TMEM212: variants seen among roughly 807,000 people sequenced by gnomAD.
TMEM212 encodes the protein transmembrane protein 212.
Under a neutral mutation model 20.5 loss-of-function variants are expected in TMEM212, and 23 were observed. That is an observed-to-expected ratio of 1.12 (90% CI 0.81 to 1.59). The LOEUF is 1.59. Among genes scored for constraint, TMEM212 ranks in the 40% most tolerant of loss-of-function variants. The pLI is 0.00. For missense variants in TMEM212, 211 were observed against 215.0 expected (o/e 0.98, Z 0.12); for synonymous variants, 76 against 81.6 (o/e 0.93, Z 0.37).
At chr3:171,844,532 C>G (rs958882026) in intron 1 of TMEM212, among the ~76,000 whole-genome samples, 1 of 152,076 alleles carries the variant, frequency 6.6e-6, no homozygotes, top group Non-Finnish European at 1.5e-5. Flanking sequence ...ATGGCGAAAC[C>G]CCGTCACTAC....
chr3:171,857,858 C>T (rs1725154987), intron 4 of TMEM212, among the ~76,000 whole-genome samples: 1 of 151,396 alleles, frequency 6.6e-6, no homozygotes, highest in African/African-American at 2.5e-5. Context: ...CACTTCACAC[C>T]TGTTAAAATG....
intron 1 of TMEM212, among the ~76,000 whole-genome samples, chr3:171,850,752 G>A (rs1200954052): frequency 2.0e-5 from 3 of 152,146 alleles, no homozygotes; most frequent in Admixed American, 6.5e-5. Context: ...ACTACAGATG[G>A]TTCTGTTTTT....
At chr3:171,857,707 T>A (rs565634069) in intron 4 of TMEM212, among the ~76,000 whole-genome samples, 66 of 152,276 alleles carry the variant, frequency 4.3e-4, no homozygotes, top group African/African-American at 1.6e-3. Flanking sequence ...ATAATCTGAT[T>A]TTAAAATGGG....
At chr3:171,848,560 C>CATAGA (rs1288301924) in intron 1 of TMEM212, among the ~76,000 whole-genome samples, 18 of 44,344 alleles carry the variant, frequency 4.1e-4, no homozygotes, top group Non-Finnish European at 6.8e-4. Flanking sequence ...ACAATAAATG[C>CATAGA]ATAGAATAGA....
At chr3:171,856,493 G>A (rs1360629062) in intron 3 of TMEM212, among the ~76,000 whole-genome samples, 170 bp from the exon 4 acceptor site, 1 of 152,130 alleles carries the variant, frequency 6.6e-6, no homozygotes, top group Admixed American at 6.6e-5. Flanking sequence ...AAGCCATATT[G>A]GACTGGCTTT....
chr3:171,857,761 G>A (rs1173789724), intron 4 of TMEM212, among the ~76,000 whole-genome samples: 1 of 152,110 alleles, frequency 6.6e-6, no homozygotes, highest in African/African-American at 2.4e-5. Flanking sequence ...ACATACAGGT[G>A]GCCAACAGGT....
intron 3 of TMEM212, among the ~76,000 whole-genome samples, chr3:171,855,283 G>C (rs1042348560): frequency 2.0e-5 from 3 of 152,134 alleles, no homozygotes; most frequent in African/African-American, 2.4e-5. Flanking sequence ...ATTATCTAAA[G>C]TAGGAAAGGG....
rs1725195474 is a variant in TMEM212, at chr3:171,859,166, G to A, written c.*1109G>A. ...GGCCTTTCAGTGGGTGGGAGGCTGG[G>A]GGAGGGATAGCATTAGGAGAAATTC... On this transcript the variant is annotated 3_prime_UTR_variant, in exon 5 of 5. Coordinates refer to ENST00000334567, the MANE Select transcript of TMEM212 (RefSeq NM_001164436.2). 1 of 152,108 alleles carries A rather than the reference G, an allele frequency of 6.6e-6. No homozygotes were observed. The highest frequency in any genetic ancestry group is 2.1e-4 in the South Asian group (1 of 4,814). The allele number at this position is 152,108 out of a possible 1,614,324, so 9.4% of individuals were successfully genotyped here. A position where few individuals can be genotyped will look rare whatever the true frequency, so the allele number is the denominator to read the frequency against.
chr3:171,845,360 A>G (rs1246308423), intron 1 of TMEM212, among the ~76,000 whole-genome samples: 1 of 152,200 alleles, frequency 6.6e-6, no homozygotes, highest in Non-Finnish European at 1.5e-5. Context: ...AATAGTACTT[A>G]CCCTCTATGT....
chr3:171,847,983 T>G (rs1323215719), intron 1 of TMEM212, among the ~76,000 whole-genome samples: 3 of 152,228 alleles, frequency 2.0e-5, no homozygotes, highest in African/African-American at 7.2e-5. Context: ...TCTATGTCAA[T>G]GGTCCATTTT....
chr3:171,851,945 T>A, intron 1 of TMEM212, 37 bp from the exon 2 acceptor site: 3 of 1,525,012 alleles, frequency 2.0e-6, no homozygotes, highest in Non-Finnish European at 2.6e-6. Flanking sequence ...AGGTACCTTC[T>A]GTGGTGGATG....
Position 171,859,215 on chromosome 3 carries a change from G to A in TMEM212, c.*1158G>A, listed in dbSNP as rs1725196704. On this transcript the variant is annotated 3_prime_UTR_variant, in exon 5 of 5. Coordinates refer to ENST00000334567, the MANE Select transcript of TMEM212 (RefSeq NM_001164436.2). ...TCCTAATGTAGATGATGAGTTGATG[G>A]GTGTGGCAAACCAACATGGCACATA... 6.6e-6 allele frequency: 1 copy of A among 151,968 alleles called. No individual in the cohort carries two copies. Among genetic ancestry groups the A allele is most frequent in the Non-Finnish European group, 1.5e-5 (1 of 68,012 alleles). The allele number at this position is 151,968 out of a possible 1,614,324, so 9.4% of individuals were successfully genotyped here.
chr3:171,852,156 A>G (rs1291805930), intron 2 of TMEM212, 115 bp downstream of exon 2: 1 of 822,578 alleles, frequency 1.2e-6, no homozygotes, highest in Non-Finnish European at 1.9e-6. Context: ...ATTTGGTCTA[A>G]TTGATGCCTT....
chr3:171,848,968 G>T (rs567926290), intron 1 of TMEM212, among the ~76,000 whole-genome samples: 1 of 151,630 alleles, frequency 6.6e-6, no homozygotes, highest in Non-Finnish European at 1.5e-5. Context: ...AATCTTTCAC[G>T]TTGCTTCATT....
At chr3:171,845,869 A>C (rs1363171846) in intron 1 of TMEM212, among the ~76,000 whole-genome samples, 4 of 152,224 alleles carry the variant, frequency 2.6e-5, no homozygotes, top group Non-Finnish European at 5.9e-5. Flanking sequence ...ATGCACAGTG[A>C]GAAGGAACAC....
intron 1 of TMEM212, among the ~76,000 whole-genome samples, chr3:171,844,840 A>G (rs1024974002): frequency 6.6e-6 from 1 of 152,216 alleles, no homozygotes; most frequent in Admixed American, 6.5e-5. Context: ...TTATTAGATA[A>G]ATATTTATGA....
intron 3 of TMEM212, among the ~76,000 whole-genome samples, chr3:171,855,944 T>C (rs976934587): frequency 3.9e-5 from 6 of 152,300 alleles, no homozygotes; most frequent in African/African-American, 1.4e-4. Context: ...AAAATAGTTT[T>C]TTTCCTCTAG....
At chr3:171,853,994 G>A in intron 3 of TMEM212, 144 bp downstream of exon 3, 1 of 640,942 alleles carries the variant, frequency 1.6e-6, no homozygotes, top group African/African-American at 1.8e-5. Flanking sequence ...CACATAATAG[G>A]TACTGAATAA....
At chr3:171,851,729 C>T (rs1345384914) in intron 1 of TMEM212, among the ~76,000 whole-genome samples, 1 of 152,210 alleles carries the variant, frequency 6.6e-6, no homozygotes, top group African/African-American at 2.4e-5. Flanking sequence ...GGCGATGATT[C>T]TGATGGCAAA....
Sources: gnomAD v4.1 joint callset for allele counts (sites outside exome capture counted in the v4.1 genomes callset) on GRCh38, gnomAD v4.1.1 for gene constraint, MANE v1.5 for transcripts, NCBI Gene and HGNC (gene_info 2026-07-23, HGNC 2026-07-21) for gene names.